Variants in SCNN1B observed in about 807,000 individuals in gnomAD.
The protein encoded by SCNN1B is epithelial sodium channel subunit beta.
In SCNN1B, 46 loss-of-function variants were observed where a neutral mutation model predicts 65.3. The ratio of observed to expected loss-of-function variants is 0.70; its 90% CI spans 0.56 to 0.90. The LOEUF (loss-of-function observed/expected upper bound fraction) is 0.90, where lower values mean the gene tolerates loss of function less well. Among genes scored for constraint, SCNN1B ranks in the 40% least tolerant of loss-of-function variants. SCNN1B has a pLI of 0.00. For missense variants in SCNN1B, 751 were observed against 830.5 expected (o/e 0.90, Z 1.18); for synonymous variants, 349 against 330.6 (o/e 1.06, Z -0.60).
At position 23,316,754 on chromosome 16, in the gene SCNN1B, C is replaced by T. The variant is rs539966112; in HGVS notation, c.-9+14317C>T. On this transcript the variant is annotated intron_variant, in intron 1 of 12. Coordinates refer to ENST00000343070, the MANE Select transcript of SCNN1B (RefSeq NM_000336.3). ...CTCCTCTGTCATCACTGTCACCATCCTCACCATCATCACCATCACCATCAT... is the reference window on the plus strand; with the variant it reads ...CTCCTCTGTCATCACTGTCACCATCTTCACCATCATCACCATCACCATCAT... Among the ~76,000 whole-genome samples, 24 of 144,744 alleles carry T rather than the reference C, an allele frequency of 1.7e-4. No homozygotes were observed. The South Asian group carries it at 4.9e-3, about 30-fold the overall frequency. 95.0% of individuals were successfully genotyped at this position (144,744 alleles called of 152,430 possible). A position where few individuals can be genotyped will look rare whatever the true frequency, so the allele number is the denominator to read the frequency against.
At chr16:23,346,278 C>A (rs112206741) in intron 1 of SCNN1B, among the ~76,000 whole-genome samples, 12,186 of 129,468 alleles carry the variant, frequency 0.094, 576 homozygotes, top group Middle Eastern at 0.21. Context: ...GTGGGGCGAT[C>A]TCAGCTCAGT....
At chr16:23,369,364 G>A (rs1962736670) in intron 5 of SCNN1B, among the ~76,000 whole-genome samples, 1 of 152,178 alleles carries the variant, frequency 6.6e-6, no homozygotes, top group South Asian at 2.1e-4. Flanking sequence ...GATTACAGAT[G>A]TGATCCACTG....
chr16:23,333,210 G>GAAGA (rs1296841334), intron 1 of SCNN1B, among the ~76,000 whole-genome samples: 14 of 86,206 alleles, frequency 1.6e-4, no homozygotes, highest in Admixed American at 6.4e-4. Context: ...AGGAAGGAAG[G>GAAGA]AAGAAAGAAA....
At position 23,283,842 on chromosome 16, in the gene SCNN1B, C is replaced by T. The variant is rs1022024395; in HGVS notation, n.178+38C>T. 3 of 152,210 alleles carry T rather than the reference C, an allele frequency of 2.0e-5. No homozygotes were observed. The East Asian group carries it at 5.8e-4, about 29-fold the overall frequency. 9.4% of individuals were successfully genotyped at this position (152,210 alleles called of 1,614,324 possible). On this transcript the variant is annotated intron_variant and non_coding_transcript_variant, in intron 2 of 3. Coordinates refer to the SCNN1B transcript ENST00000569789. ...GGACACAGGGAGGATGTGGTGTTAC[C>T]GATGCCCAGAGCTGGGTCATGCTCA...
intron 2 of SCNN1B, chr16:23,283,871 C>T (rs1960816027): frequency 6.6e-6 from 1 of 152,214 alleles, no homozygotes; most frequent in East Asian, 1.9e-4. Context: ...ATGCTCAGAA[C>T]TTGGTCCACC....
rs144058099 is a variant in SCNN1B, at chr16:23,352,503, G to A, written c.312-298G>A. On this transcript the variant is annotated intron_variant, in intron 2 of 12. Transcript: ENST00000343070. ...TGAGTGAGTTCTCACAAGATCTGAT[G>A]GTTTTAAAGTGGCAGTCTCCCCTGT... Among the ~76,000 whole-genome samples, 279 of 152,304 alleles carry A rather than the reference G, an allele frequency of 1.8e-3. 1 individual carries two copies. The highest frequency in any genetic ancestry group is 6.6e-3 in the African/African-American group (275 of 41,558).
chr16:23,296,844 C>CA (rs1238337386), intron 2 of SCNN1B, among the ~76,000 whole-genome samples: 3 of 151,934 alleles, frequency 2.0e-5, no homozygotes, highest in African/African-American at 7.3e-5. Context: ...TACTAAAATA[C>CA]AAAAAATTAG....
chr16:23,374,491 T>C (rs1567317568), intron 7 of SCNN1B, among the ~76,000 whole-genome samples: 1 of 144,944 alleles, frequency 6.9e-6, no homozygotes, highest in Non-Finnish European at 1.5e-5. Flanking sequence ...GGAGAATCAC[T>C]TGAACCCAGG....
At chr16:23,372,241 ATTTAATC>A (rs1962800658) in intron 7 of SCNN1B, 15 of 359,764 alleles carry the variant, frequency 4.2e-5, no homozygotes, top group South Asian at 4.2e-4. Context: ...TTCCATCGTC[ATTTAATC>A]TTTCAACTGC....
intron 2 of SCNN1B, among the ~76,000 whole-genome samples, chr16:23,294,757 C>T (rs1471430653): frequency 1.3e-5 from 2 of 152,148 alleles, no homozygotes; most frequent in Non-Finnish European, 2.9e-5. Context: ...CTTTGGGAGG[C>T]CGAGGAGGGT....
At chr16:23,356,102 G>A (rs1451108039) in intron 4 of SCNN1B, among the ~76,000 whole-genome samples, 1 of 152,100 alleles carries the variant, frequency 6.6e-6, no homozygotes, top group Non-Finnish European at 1.5e-5. Flanking sequence ...CCCGTGAGCT[G>A]GTCACTGGCT....
At chr16:23,332,264 C>T (rs920610492) in intron 1 of SCNN1B, among the ~76,000 whole-genome samples, 1 of 151,458 alleles carries the variant, frequency 6.6e-6, no homozygotes, top group Non-Finnish European at 1.5e-5. Context: ...GGTGTGATCT[C>T]GACTCACTGA....
chr16:23,361,951 A>C (rs1962561963), intron 4 of SCNN1B, among the ~76,000 whole-genome samples: 1 of 152,026 alleles, frequency 6.6e-6, no homozygotes. Context: ...TGGCTCAAGC[A>C]ATCTTCCCAC....
rs77296455 is a variant in SCNN1B, at chr16:23,294,254, C to T, written n.178+10450C>T. 3.3e-3 allele frequency among the ~76,000 whole-genome samples: 495 copies of T among 151,932 alleles called. 1 individual carries two copies. Among genetic ancestry groups the T allele is most frequent in the African/African-American group, 0.011 (476 of 41,458 alleles). ...CTACTAAAAATACAAAAATTAGCCA[C>T]GCGAGATGGCGTGCAACCTGTGATC... On this transcript the variant is annotated intron_variant and non_coding_transcript_variant, in intron 2 of 3. Transcript: ENST00000569789.
chr16:23,380,018 C>A lies in SCNN1B; in HGVS notation c.1467-76C>A. On this transcript the variant is annotated intron_variant, in intron 11 of 12. Coordinates refer to ENST00000343070, the MANE Select transcript of SCNN1B (RefSeq NM_000336.3). The surrounding 1 kb of genome is among the most constrained non-coding windows in gnomAD (Gnocchi z 5.4). ...TGCACGTGCATGTGTGTGCATGTGT[C>A]TATGTGCGTGTGTGTGTGTCTGTCT... The A allele has an allele frequency of 9.3e-7, 1 of 1,076,638 alleles. No homozygotes were observed. The highest frequency in any genetic ancestry group is 1.4e-6 in the Non-Finnish European group (1 of 690,042). The allele number at this position is 1,076,638 out of a possible 1,614,324, so 66.7% of individuals were successfully genotyped here.
In SCNN1B at chr16:23,380,326, T is replaced by C. The variant is rs941314578; in HGVS notation, c.1543-95T>C. On this transcript the variant is annotated intron_variant, in intron 12 of 12. Coordinates refer to ENST00000343070, the MANE Select transcript of SCNN1B (RefSeq NM_000336.3). The surrounding 1 kb of genome is among the most constrained non-coding windows in gnomAD (Gnocchi z 5.4). The stretch of plus-strand genomic sequence containing the variant: ...GGGCCAAGATGGTCACCCCCTCCCG[T>C]TCCCACCCAAGAATCACCTCCCAGG... 1 of 1,593,252 alleles carries C rather than the reference T, an allele frequency of 6.3e-7. No individual in the cohort carries two copies. The highest frequency in any genetic ancestry group is 8.6e-7 in the Non-Finnish European group (1 of 1,163,566).
intron 1 of SCNN1B, chr16:23,304,100 A>T: frequency 1.3e-6 from 2 of 1,535,194 alleles, no homozygotes; most frequent in Non-Finnish European, 1.7e-6. Context: ...AAAAATTTTC[A>T]GGTTGGTTTT....
intron 1 of SCNN1B, among the ~76,000 whole-genome samples, chr16:23,324,921 G>A (rs1233815503): frequency 1.3e-5 from 2 of 152,252 alleles, no homozygotes; most frequent in African/African-American, 2.4e-5. Flanking sequence ...TGTCCATTGG[G>A]ACACAATGAC....
At chr16:23,317,330 A>G (rs1050632177) in intron 1 of SCNN1B, among the ~76,000 whole-genome samples, 1 of 152,246 alleles carries the variant, frequency 6.6e-6, no homozygotes, top group African/African-American at 2.4e-5. Flanking sequence ...AGTTAAGGGA[A>G]TCACTCAGGG....
Sources: gnomAD v4.1 joint callset for allele counts (sites outside exome capture counted in the v4.1 genomes callset) on GRCh38, gnomAD v4.1.1 for gene constraint, Gnocchi (gnomAD v3.1) non-coding constraint, MANE v1.5 for transcripts, NCBI Gene and HGNC (gene_info 2026-07-23, HGNC 2026-07-21) for gene names.